ARID1B: variants seen among roughly 807,000 people sequenced by gnomAD.
ARID1B encodes the protein AT-rich interaction domain 1B, also known as AT-rich interactive domain-containing protein 1B.
A neutral mutation model predicts 212.3 loss-of-function variants in ARID1B; 30 were observed. That is an observed-to-expected ratio of 0.14 (90% CI 0.11 to 0.19). The LOEUF (loss-of-function observed/expected upper bound fraction) is 0.19. Ranked by LOEUF, ARID1B falls within the 10% of genes least tolerant of loss-of-function variation. ARID1B has a pLI of 1.00. For missense variants in ARID1B, 2,891 were observed against 3,204.0 expected (o/e 0.90, Z 2.36); for synonymous variants, 1,402 against 1,301.7 (o/e 1.08, Z -1.66).
At chr6:157,138,987 G>A (rs1361224666) in intron 7 of ARID1B, among the ~76,000 whole-genome samples, 12 of 152,110 alleles carry the variant, frequency 7.9e-5, no homozygotes, top group South Asian at 4.1e-4. Flanking sequence ...GTTATAAGAC[G>A]TAAGCGTGAA....
chr6:157,030,475 C>T (rs1230450928), intron 4 of ARID1B: 1 of 152,236 alleles, frequency 6.6e-6, no homozygotes, highest in Non-Finnish European at 1.5e-5. Flanking sequence ...GCTGGTTTCG[C>T]ACACTTCAAG....
intron 3 of ARID1B, among the ~76,000 whole-genome samples, chr6:156,907,327 A>G (rs1023358997): frequency 6.6e-6 from 1 of 151,972 alleles, no homozygotes; most frequent in South Asian, 2.1e-4. Context: ...ACTGAATTTT[A>G]TCTTCCGTCT....
intron 4 of ARID1B, among the ~76,000 whole-genome samples, chr6:157,064,364 C>CATGTTTAGCTATGTGTGTTCGTA (rs1172519185): frequency 2.6e-5 from 4 of 152,166 alleles, no homozygotes; most frequent in African/African-American, 9.7e-5. Context: ...CTCCAGAACG[C>CATGTTTAGCTATGTGTGTTCGTA]ATGTTTAGCT....
intron 2 of ARID1B, among the ~76,000 whole-genome samples, chr6:156,873,999 T>G (rs1786346875): frequency 6.6e-6 from 1 of 152,230 alleles, no homozygotes; most frequent in African/African-American, 2.4e-5. Flanking sequence ...AGGCCTGTGG[T>G]GGCAGTGCCA....
rs1020483410 is a variant in ARID1B, at chr6:157,200,172, C to G, written c.4480-533C>G. Among the ~76,000 whole-genome samples, 10 of 152,158 alleles carry G rather than the reference C, an allele frequency of 6.6e-5. No individual in the cohort carries two copies. The highest frequency in any genetic ancestry group is 2.4e-4 in the African/African-American group (10 of 41,422). ...CAGTGGGGCTTTGGGGGAGCCACACCTGACCAGGCCAGAAGTCAGGGCAGG... is the reference window on the plus strand; with the variant it reads ...CAGTGGGGCTTTGGGGGAGCCACACGTGACCAGGCCAGAAGTCAGGGCAGG... On this transcript the variant is annotated intron_variant, in intron 17 of 19. Coordinates refer to ENST00000636930, the MANE Select transcript of ARID1B (RefSeq NM_001374828.1). The surrounding 1 kb of genome is among the most constrained non-coding windows in gnomAD (Gnocchi z 4.3).
chr6:156,798,255 T>C (rs1343366615), intron 1 of ARID1B, among the ~76,000 whole-genome samples: 1 of 152,110 alleles, frequency 6.6e-6, no homozygotes, highest in Non-Finnish European at 1.5e-5. Context: ...CCATCCTTCC[T>C]CCTCTCCGGT....
At chr6:157,145,263 G>A (rs1583395665) in intron 7 of ARID1B, among the ~76,000 whole-genome samples, 2 of 152,282 alleles carry the variant, frequency 1.3e-5, no homozygotes, top group South Asian at 2.1e-4. Context: ...ACAGATTGTG[G>A]CCCGCTCTGG....
chr6:157,138,248 G>C (rs12198191), intron 7 of ARID1B, among the ~76,000 whole-genome samples: 11,494 of 151,794 alleles, frequency 0.076, 566 homozygotes, highest in Non-Finnish European at 0.09. Context: ...TGGTTAGTTG[G>C]TTGTTGAGAC....
chr6:156,812,635 C>T (rs371846971), intron 1 of ARID1B, among the ~76,000 whole-genome samples: 4 of 152,182 alleles, frequency 2.6e-5, no homozygotes, highest in South Asian at 4.2e-4. Context: ...AATGAATGGG[C>T]ATGGCCTCTG....
At chr6:156,892,310 GT>G (rs1788007979) in intron 2 of ARID1B, among the ~76,000 whole-genome samples, 1 of 152,010 alleles carries the variant, frequency 6.6e-6, no homozygotes, top group African/African-American at 2.4e-5. Context: ...GATTATTTCA[GT>G]TTGCCCTGTT....
At chr6:156,821,126 A>C (rs1158242637) in intron 1 of ARID1B, among the ~76,000 whole-genome samples, 2 of 152,230 alleles carry the variant, frequency 1.3e-5, no homozygotes, top group Non-Finnish European at 2.9e-5. Flanking sequence ...AAACAACCTC[A>C]TCCTGGTAGA....
chr6:156,931,599 A>G (rs1791721727), intron 3 of ARID1B, among the ~76,000 whole-genome samples: 1 of 152,160 alleles, frequency 6.6e-6, no homozygotes, highest in Non-Finnish European at 1.5e-5. Flanking sequence ...CAGGAGAATC[A>G]CTTGAGGCCA....
At chr6:157,204,094 G>A (rs2128385871) in intron 19 of ARID1B, 98 bp downstream of exon 19, 1 of 1,479,570 alleles carries the variant, frequency 6.8e-7, no homozygotes. Flanking sequence ...GATGAGCACT[G>A]ACCGTCCAAC....
intron 1 of ARID1B, among the ~76,000 whole-genome samples, chr6:156,818,570 TTTAC>T (rs1238336748): frequency 6.6e-6 from 1 of 152,098 alleles, no homozygotes; most frequent in Non-Finnish European, 1.5e-5. Flanking sequence ...TATTATTATT[TTTAC>T]TTGAGAGGTG....
chr6:156,843,605 T>C (rs750869810), intron 2 of ARID1B, among the ~76,000 whole-genome samples: 12 of 151,532 alleles, frequency 7.9e-5, no homozygotes, highest in Non-Finnish European at 1.5e-4. Context: ...GTAGGGGGGG[T>C]GTTAGGCTGT....
At chr6:156,933,878 G>T (rs77881109) in intron 3 of ARID1B, among the ~76,000 whole-genome samples, 2 of 152,088 alleles carry the variant, frequency 1.3e-5, no homozygotes, top group Non-Finnish European at 2.9e-5. Context: ...AAAGCAGGTC[G>T]CACCAACACT....
chr6:156,901,402 T>C lies in ARID1B; in HGVS notation c.2013T>C (p.Gly671=). Residue 671 remains glycine (G), a synonymous_variant, in exon 3 of 20, where the codon GGT becomes GGC. Coordinates refer to ENST00000636930, the MANE Select transcript of ARID1B (RefSeq NM_001374828.1). Reference sequence around the variant, plus strand: ...TGCCACCTCAGTATGGACAGCAAGGTGTGAGTGGTTACTGCCAGCAGGGCC... The same window carrying C: ...TGCCACCTCAGTATGGACAGCAAGGCGTGAGTGGTTACTGCCAGCAGGGCC... ...QQMPPQYGQQ[G]VSGYCQQGQQ... 6.2e-7 allele frequency: 1 copy of C among 1,614,154 alleles called. No individual in the cohort carries two copies. Among genetic ancestry groups the C allele is most frequent in the Non-Finnish European group, 8.5e-7 (1 of 1,180,026 alleles).
rs188207012 is a variant in ARID1B, at chr6:157,066,680, C to T, written c.2248-17982C>T. On this transcript the variant is annotated intron_variant, in intron 4 of 19. Coordinates refer to ENST00000636930, the MANE Select transcript of ARID1B (RefSeq NM_001374828.1). ...AGTGGTGTTTTGCCATTTTCTGTTC[C>T]AGTGGAAGATCTGGGAGGTAATTAT... 7.9e-5 allele frequency among the ~76,000 whole-genome samples: 12 copies of T among 152,208 alleles called. No homozygotes were observed. In the South Asian group the frequency reaches 1.7e-3, roughly 21 times the overall value.
chr6:156,807,231 A>G (rs1353343067), intron 1 of ARID1B, among the ~76,000 whole-genome samples: 3 of 151,030 alleles, frequency 2.0e-5, no homozygotes, highest in Non-Finnish European at 4.4e-5. Context: ...GAAAGTTCAG[A>G]TCTATGGAGT....
Sources: allele counts gnomAD v4.1 joint callset (sites outside exome capture counted in the v4.1 genomes callset), GRCh38; gene constraint gnomAD v4.1.1; non-coding constraint Gnocchi (gnomAD v3.1); transcripts MANE v1.5; gene names NCBI Gene and HGNC (gene_info 2026-07-23, HGNC 2026-07-21).